Variants in ROBO1 observed in about 807,000 individuals in gnomAD.
The protein encoded by ROBO1 is roundabout homolog 1.
ROBO1 carries 149 observed loss-of-function variants against 195.9 expected under a neutral mutation model. The ratio of observed to expected loss-of-function variants is 0.76; its 90% CI spans 0.67 to 0.87. The LOEUF is 0.87. Ranked by LOEUF, ROBO1 falls within the 40% of genes least tolerant of loss-of-function variation. ROBO1 has a pLI of 0.00. For missense variants in ROBO1, 1,933 were observed against 2,068.3 expected, an observed-to-expected ratio of 0.93 and a Z score of 1.27; for synonymous variants, 816 against 733.2, an observed-to-expected ratio of 1.11 and a Z score of -1.82.
At chr3:79,340,865 A>T (rs2034880698) in intron 2 of ROBO1, among the ~76,000 whole-genome samples, 1 of 152,204 alleles carries the variant, frequency 6.6e-6, no homozygotes, top group Non-Finnish European at 1.5e-5. Context: ...GTATTTCTGG[A>T]TTCAAAGTGC....
intron 3 of ROBO1, among the ~76,000 whole-genome samples, chr3:79,053,265 G>A (rs1183860250): frequency 6.6e-6 from 1 of 151,758 alleles, no homozygotes; most frequent in Admixed American, 6.6e-5. Context: ...GCCTTTGTTA[G>A]CTGATCAGCC....
chr3:79,704,841 C>T (rs1396469377), intron 1 of ROBO1, among the ~76,000 whole-genome samples: 1 of 152,018 alleles, frequency 6.6e-6, no homozygotes, highest in Non-Finnish European at 1.5e-5. Flanking sequence ...ACATTCTCAT[C>T]AGCATTTTGT....
intron 3 of ROBO1, among the ~76,000 whole-genome samples, chr3:79,068,698 A>G (rs2079040929): frequency 6.6e-6 from 1 of 151,758 alleles, no homozygotes; most frequent in Non-Finnish European, 1.5e-5. Context: ...ACAGGTCTCA[A>G]ATTCATTGCT....
intron 4 of ROBO1, among the ~76,000 whole-genome samples, chr3:78,853,262 T>C (rs1161167393): frequency 6.6e-6 from 1 of 151,702 alleles, no homozygotes; most frequent in Non-Finnish European, 1.5e-5. Context: ...AGGAGGTAAG[T>C]TAAGCAAAAG....
chr3:79,081,074 T>C (rs1002351732), intron 3 of ROBO1, among the ~76,000 whole-genome samples: 21 of 152,112 alleles, frequency 1.4e-4, no homozygotes, highest in African/African-American at 5.1e-4. Context: ...CGACTTATAG[T>C]GTGCCCAAAC....
chr3:79,538,282 A>G (rs1203760524), intron 2 of ROBO1, among the ~76,000 whole-genome samples: 2 of 152,174 alleles, frequency 1.3e-5, no homozygotes, highest in Non-Finnish European at 2.9e-5. Context: ...AATGACCAAT[A>G]TTGTATAGTT....
chr3:79,151,621 TA>T (rs1254514751), intron 2 of ROBO1, among the ~76,000 whole-genome samples: 3 of 151,900 alleles, frequency 2.0e-5, no homozygotes, highest in African/African-American at 7.2e-5. Context: ...CTTATAACTT[TA>T]AATGACTTTC....
chr3:78,811,786 C>G (rs1221650793), intron 4 of ROBO1, among the ~76,000 whole-genome samples: 1 of 152,116 alleles, frequency 6.6e-6, no homozygotes, highest in African/African-American at 2.4e-5. Context: ...ATATGTGTCT[C>G]AAATTCAATC....
chr3:79,370,291 G>A (rs1169403111), intron 2 of ROBO1, among the ~76,000 whole-genome samples: 1 of 152,046 alleles, frequency 6.6e-6, no homozygotes, highest in African/African-American at 2.4e-5. Context: ...CTGGGAGGCG[G>A]AGGTTGCAGT....
intron 17 of ROBO1, among the ~76,000 whole-genome samples, chr3:78,658,395 A>ATTCTCCTGCCTCAGCCTCC (rs1707171941): frequency 6.6e-6 from 1 of 152,140 alleles, no homozygotes; most frequent in Non-Finnish European, 1.5e-5. Context: ...GGTTCCAGTG[A>ATTCTCCTGCCTCAGCCTCC]TTCTCCTGCC....
At chr3:79,215,806 A>AT (rs2082046625) in intron 2 of ROBO1, among the ~76,000 whole-genome samples, 1 of 152,322 alleles carries the variant, frequency 6.6e-6, no homozygotes, top group Middle Eastern at 3.4e-3. Context: ...CATTAACTCC[A>AT]TATCTTAAAT....
chr3:79,463,159 G>C (rs1159643677), intron 2 of ROBO1, among the ~76,000 whole-genome samples: 1 of 152,016 alleles, frequency 6.6e-6, no homozygotes, highest in Non-Finnish European at 1.5e-5. Flanking sequence ...GGATTGCGAG[G>C]TCAGGAGATC....
chr3:78,786,087 A>ACAT (rs2307597), intron 4 of ROBO1, among the ~76,000 whole-genome samples: 8,293 of 152,276 alleles, frequency 0.054, 298 homozygotes, highest in Middle Eastern at 0.11. Context: ...AAAGAGAAAT[A>ACAT]CATAAGATCA....
chr3:79,536,629 A>G (rs545377214), intron 2 of ROBO1, among the ~76,000 whole-genome samples: 22 of 152,232 alleles, frequency 1.4e-4, no homozygotes, highest in East Asian at 5.8e-4. Context: ...AAGTACAGTA[A>G]AAGTTTATAT....
intron 2 of ROBO1, among the ~76,000 whole-genome samples, chr3:79,345,493 G>A (rs1483701471): frequency 1.3e-5 from 2 of 152,156 alleles, no homozygotes; most frequent in East Asian, 1.9e-4. Flanking sequence ...ATTCCAGACT[G>A]TTTTGCTCTC....
chr3:78,737,709 AGACAGGAAAAATTATT>A (rs1241125908), intron 5 of ROBO1, among the ~76,000 whole-genome samples: 1 of 152,148 alleles, frequency 6.6e-6, no homozygotes, highest in Non-Finnish European at 1.5e-5. Context: ...AAATTAAGAT[AGACAGGAAAAATTATT>A]TTTAAGTCAT....
intron 5 of ROBO1, among the ~76,000 whole-genome samples, chr3:78,722,387 GA>G (rs2082064168): frequency 6.6e-6 from 1 of 152,064 alleles, no homozygotes; most frequent in South Asian, 2.1e-4. Flanking sequence ...TAAGCATCAT[GA>G]AAAGCTGTTT....
chr3:79,352,038 C>G (rs112157789), intron 2 of ROBO1, among the ~76,000 whole-genome samples: 2 of 152,126 alleles, frequency 1.3e-5, no homozygotes, highest in African/African-American at 4.8e-5. Context: ...ACAAATATCC[C>G]AACAAAGGTA....
intron 2 of ROBO1, among the ~76,000 whole-genome samples, chr3:79,172,261 C>A (rs1466468030): frequency 6.6e-6 from 1 of 152,076 alleles, no homozygotes; most frequent in East Asian, 1.9e-4. Context: ...TGTGTTTTAG[C>A]CAGTTGGGTC....
Sources: allele counts gnomAD v4.1 joint callset (sites outside exome capture counted in the v4.1 genomes callset), GRCh38; gene constraint gnomAD v4.1.1; transcripts MANE v1.5; gene names NCBI Gene and HGNC (gene_info 2026-07-23, HGNC 2026-07-21).